Variants in ZNF789 observed in about 807,000 individuals in gnomAD.
The protein encoded by ZNF789 is zinc finger protein 789.
A neutral mutation model predicts 15.6 loss-of-function variants in ZNF789; 11 were observed. The observed-to-expected ratio is 0.70, with a 90% CI of 0.44 to 1.16. The LOEUF is 1.16. ZNF789 is among the 50% of genes most tolerant of loss of function. ZNF789 has a pLI of 0.00. For missense variants in ZNF789, 461 were observed against 512.6 expected, an observed-to-expected ratio of 0.90 and a Z score of 0.97; for synonymous variants, 159 against 176.0, an observed-to-expected ratio of 0.90 and a Z score of 0.76.
At chr7:99,480,050 G>A in intron 3 of ZNF789, 1 of 439,134 alleles carries the variant, frequency 2.3e-6, no homozygotes. Flanking sequence ...TGTAGGCCAG[G>A]TGCGGTGGCT....
chr7:99,478,370 T>C, intron 2 of ZNF789: 2 of 1,289,296 alleles, frequency 1.6e-6, no homozygotes, highest in Non-Finnish European at 2.0e-6. Context: ...AGAAAGGGCC[T>C]GCAACCGTAG....
At chr7:99,483,685 C>A in intron 3 of ZNF789, 1 of 780,798 alleles carries the variant, frequency 1.3e-6, no homozygotes, top group South Asian at 1.3e-5. Context: ...ATACTTATGC[C>A]TTCATCGCAT....
chr7:99,482,136 A>G, intron 3 of ZNF789: 1 of 779,692 alleles, frequency 1.3e-6, no homozygotes, highest in East Asian at 2.4e-5. Flanking sequence ...GCTACGCTTG[A>G]TTTAATTGTT....
chr7:99,475,631 G>A (rs903112134), intron 1 of ZNF789, among the ~76,000 whole-genome samples: 1 of 152,092 alleles, frequency 6.6e-6, no homozygotes, highest in African/African-American at 2.4e-5. Flanking sequence ...TGTGATAGGG[G>A]AGGGGAGCAT....
Position 99,487,438 on chromosome 7 carries a change from A to T in ZNF789, c.1228A>T (p.Thr410Ser). ...VICGKSFKWH[T>S]SFIKHQGTHK... ...ATGTGGAAAATCTTTCAAGTGGCAC[A>T]CAAGCTTTATTAAGCACCAGGGCAC... The change falls in exon 5 of 5, where the codon ACA becomes TCA. Residue 410 changes from threonine to serine, a missense_variant. Physicochemically the swap from Thr to Ser is moderately conservative, Grantham distance 58. Transcript: ENST00000331410. 1.9e-6 allele frequency: 3 copies of T among 1,614,252 alleles called. No homozygotes were observed. The highest frequency in any genetic ancestry group is 2.5e-6 in the Non-Finnish European group (3 of 1,180,044).
intron 1 of ZNF789, 139 bp from the exon 2 acceptor site, chr7:99,476,264 A>G (rs959627856): frequency 1.2e-5 from 7 of 565,806 alleles, no homozygotes; most frequent in African/African-American, 1.2e-4. Flanking sequence ...CATGCATTTC[A>G]TCACATGTTC....
intron 2 of ZNF789, among the ~76,000 whole-genome samples, chr7:99,477,188 G>A (rs772459098): frequency 6.6e-6 from 1 of 151,766 alleles, no homozygotes; most frequent in African/African-American, 2.4e-5. Context: ...GACTACAGGC[G>A]AGTGCCACCA....
At position 99,486,942 on chromosome 7, in the gene ZNF789, T is replaced by C. The variant is rs1799988286; in HGVS notation, c.732T>C (p.Leu244=). The change falls in exon 5 of 5, where the codon CTT becomes CTC. Residue 244 remains leucine, a synonymous_variant. Coordinates refer to ENST00000331410, the MANE Select transcript of ZNF789 (RefSeq NM_213603.3). The part of the protein sequence containing the change: ...CGQAFRQRSA[L]TVHKQCHLQN... Reference sequence around the variant, plus strand: ...AAGCCTTCAGACAGCGGTCAGCTCTTACGGTCCATAAACAGTGTCACCTGC... The same window carrying C: ...AAGCCTTCAGACAGCGGTCAGCTCTCACGGTCCATAAACAGTGTCACCTGC... 1 of 1,614,182 alleles carries C rather than the reference T, an allele frequency of 6.2e-7. No homozygotes were observed.
intron 3 of ZNF789, chr7:99,483,688 C>T: frequency 3.8e-6 from 3 of 780,900 alleles, no homozygotes; most frequent in Non-Finnish European, 7.2e-6. Flanking sequence ...CTTATGCCTT[C>T]ATCGCATTAA....
chr7:99,487,020 G>C lies in ZNF789; in HGVS notation c.810G>C (p.Ala270=). ...HDCGKCFRQL[A]YLVEHKRIHT... ...GTGGAAAGTGTTTTCGGCAGCTCGCGTATCTTGTTGAACATAAGAGGATTC... is the reference window on the plus strand; with the variant it reads ...GTGGAAAGTGTTTTCGGCAGCTCGCCTATCTTGTTGAACATAAGAGGATTC... The change falls in exon 5 of 5, where the codon GCG becomes GCC. Residue 270 remains alanine, a synonymous_variant. Coordinates refer to ENST00000331410, the MANE Select transcript of ZNF789 (RefSeq NM_213603.3). 1.2e-6 allele frequency: 2 copies of C among 1,613,942 alleles called. No individual in the cohort carries two copies. The highest frequency in any genetic ancestry group is 1.1e-5 in the South Asian group (1 of 91,082).
intron 1 of ZNF789, among the ~76,000 whole-genome samples, chr7:99,475,263 G>A (rs781549263): frequency 2.6e-5 from 4 of 151,864 alleles, no homozygotes; most frequent in Admixed American, 6.6e-5. Context: ...GCATGGCGGC[G>A]GGTGCCTGTA....
rs1415386874 is a variant in ZNF789, at chr7:99,479,865, C to G, written c.151+78C>G. On this transcript the variant is annotated intron_variant, in intron 3 of 4. Transcript: ENST00000331410. ...AGCCCTTAGTCCCTTATCTGCAATT[C>G]CAGAATCAGAAAAAGCGGTGAAAAC... 4 of 1,464,828 alleles carry G rather than the reference C, an allele frequency of 2.7e-6. No individual in the cohort carries two copies. In the African/African-American group the frequency reaches 5.8e-5, roughly 21 times the overall value. 90.7% of individuals were successfully genotyped at this position (1,464,828 alleles called of 1,614,324 possible). A position where few individuals can be genotyped will look rare whatever the true frequency, so the allele number is the denominator to read the frequency against.
chr7:99,477,897 G>A (rs1382643637), intron 2 of ZNF789, among the ~76,000 whole-genome samples: 1 of 152,192 alleles, frequency 6.6e-6, no homozygotes, highest in East Asian at 1.9e-4. Flanking sequence ...GCAGTGAGCC[G>A]AGATCGCGCC....
intron 3 of ZNF789, 177 bp downstream of exon 3, chr7:99,479,964 C>T (rs1364097785): frequency 5.4e-6 from 4 of 745,236 alleles, no homozygotes; most frequent in Non-Finnish European, 6.1e-6. Flanking sequence ...TGACTTCATC[C>T]TATAGGAAAC....
intron 1 of ZNF789, among the ~76,000 whole-genome samples, chr7:99,474,897 A>T (rs1350114442): frequency 3.3e-5 from 5 of 151,730 alleles, no homozygotes; most frequent in African/African-American, 1.2e-4. Flanking sequence ...AGGCAGGAGC[A>T]TTGCTTAAGC....
intron 2 of ZNF789, 178 bp from the exon 3 acceptor site, chr7:99,479,483 G>GC: frequency 8.8e-6 from 5 of 568,716 alleles, no homozygotes; most frequent in East Asian, 3.3e-5. Context: ...ATGGAAGCCA[G>GC]CACATGTCTG....
At chr7:99,479,852 C>G in intron 3 of ZNF789, 65 bp downstream of exon 3, 1 of 1,484,008 alleles carries the variant, frequency 6.7e-7, no homozygotes, top group Non-Finnish European at 9.0e-7. Context: ...CCCTTAGTCC[C>G]TTATCTGCAA....
chr7:99,473,520 G>T (rs955285569), intron 1 of ZNF789, among the ~76,000 whole-genome samples: 6 of 152,208 alleles, frequency 3.9e-5, no homozygotes, highest in Non-Finnish European at 7.3e-5. Context: ...AGTCGAGCTG[G>T]ATCAGCCTCG....
Position 99,484,024 on chromosome 7 carries a change from G to A in ZNF789, c.152-6G>A, listed in dbSNP as rs767343604. The A allele has an allele frequency of 3.1e-6, 5 of 1,613,632 alleles. No individual in the cohort carries two copies. The highest frequency in any genetic ancestry group is 3.3e-5 in the Admixed American group (2 of 60,004). On this transcript the variant is annotated splice_region_variant and splice_polypyrimidine_tract_variant and intron_variant, in intron 3 of 4. Coordinates refer to ENST00000331410, the MANE Select transcript of ZNF789 (RefSeq NM_213603.3). ...GGCCACATCCCATTTACTTCCCCAT[G>A]AGTAGGATTTCAGTTTCCCAAACCT...
Sources: allele counts gnomAD v4.1 joint callset (sites outside exome capture counted in the v4.1 genomes callset), GRCh38; gene constraint gnomAD v4.1.1; transcripts MANE v1.5; gene names NCBI Gene and HGNC (gene_info 2026-07-23, HGNC 2026-07-21).